KCNK6: variants seen among roughly 807,000 people sequenced by gnomAD.
The protein encoded by KCNK6 is potassium two pore domain channel subfamily K member 6, also known as potassium channel subfamily K member 6.
A neutral mutation model predicts 21.9 loss-of-function variants in KCNK6; 20 were observed. The ratio of observed to expected loss-of-function variants is 0.91; its 90% CI spans 0.64 to 1.32. KCNK6 has a LOEUF of 1.32. Among genes scored for constraint, KCNK6 ranks in the 40% most tolerant of loss-of-function variants. The pLI, the probability that KCNK6 is intolerant of heterozygous loss-of-function variation, is 0.00. For missense variants in KCNK6, 415 were observed against 433.1 expected, an observed-to-expected ratio of 0.96 and a Z score of 0.37; for synonymous variants, 210 against 218.0, an observed-to-expected ratio of 0.96 and a Z score of 0.32.
chr19:38,330,636 A>G lies in KCNK6; in HGVS notation c.*3233A>G, dbSNP rs1207942175. On this transcript the variant is annotated 3_prime_UTR_variant, in exon 3 of 3. Coordinates refer to ENST00000263372, the MANE Select transcript of KCNK6 (RefSeq NM_004823.3). ...AGAGCAAGACCCTGTCTCAAAAAAA[A>G]AAAAAGAAAAGAAAAAGAAAAAGAA... The G allele has an allele frequency of 6.8e-6, 1 of 147,408 alleles. No individual in the cohort carries two copies. The highest frequency in any genetic ancestry group is 1.5e-5 in the Non-Finnish European group (1 of 66,390). The allele number at this position is 147,408 out of a possible 1,614,324, so 9.1% of individuals were successfully genotyped here.
chr19:38,320,332 C>T (rs1332521045), intron 1 of KCNK6, 60 bp downstream of exon 1: 12 of 1,565,016 alleles, frequency 7.7e-6, no homozygotes, highest in Admixed American at 1.7e-5. Flanking sequence ...CATCCTTAAC[C>T]CCTGGGGACC....
intron 1 of KCNK6, among the ~76,000 whole-genome samples, chr19:38,323,073 C>G (rs545490201): frequency 2.0e-5 from 3 of 151,888 alleles, no homozygotes; most frequent in Non-Finnish European, 4.4e-5. Context: ...AGATCTCGCC[C>G]CTGCACTCCA....
Position 38,319,932 on chromosome 19 carries a change from C to G in KCNK6, c.-19C>G. 7.1e-7 allele frequency: 1 copy of G among 1,399,376 alleles called. No homozygotes were observed. The highest frequency in any genetic ancestry group is 1.6e-5 in the South Asian group (1 of 63,274). 86.7% of individuals were successfully genotyped at this position (1,399,376 alleles called of 1,614,324 possible). On this transcript the variant is annotated 5_prime_UTR_variant, in exon 1 of 3. Transcript: ENST00000263372. ...CGTCAGCGGGGCCACCCAGGGCTCG[C>G]GGGGTCCCGGTGGGTGCCATGCGGA...
At chr19:38,322,856 G>T (rs144522878) in intron 1 of KCNK6, among the ~76,000 whole-genome samples, 22,056 of 147,246 alleles carry the variant, frequency 0.15, 1,840 homozygotes, top group South Asian at 0.23. Context: ...CTCACGCCTG[G>T]AATCCCAGCA....
At chr19:38,322,547 T>C (rs1969662553) in intron 1 of KCNK6, among the ~76,000 whole-genome samples, 4 of 152,236 alleles carry the variant, frequency 2.6e-5, no homozygotes, top group Admixed American at 2.0e-4. Flanking sequence ...CCAGGCGCAG[T>C]GGCTTACGCC....
chr19:38,320,536 G>A (rs1424423873), intron 1 of KCNK6, among the ~76,000 whole-genome samples: 1 of 151,116 alleles, frequency 6.6e-6, no homozygotes, highest in East Asian at 1.9e-4. Context: ...CTGGGACCCC[G>A]TTCCTCGGTC....
intron 1 of KCNK6, among the ~76,000 whole-genome samples, chr19:38,322,571 C>T (rs548796321): frequency 6.6e-6 from 1 of 152,358 alleles, no homozygotes; most frequent in Non-Finnish European, 1.5e-5. Context: ...AATCCCAGCA[C>T]TTTGGAGGGC....
Position 38,326,855 on chromosome 19 carries a change from C to T in KCNK6, c.585C>T (p.Leu195=), listed in dbSNP as rs752105471. 9.9e-6 allele frequency: 16 copies of T among 1,611,410 alleles called. No homozygotes were observed. Among genetic ancestry groups the T allele is most frequent in the South Asian group, 4.4e-5 (4 of 91,090 alleles). The change falls in exon 2 of 3, where the codon CTC becomes CTT. Residue 195 remains leucine, a synonymous_variant. Coordinates refer to ENST00000263372, the MANE Select transcript of KCNK6 (RefSeq NM_004823.3). ...FLVPAVIFAH[L]EEAWSFLDAF... The stretch of plus-strand genomic sequence containing the variant: ...TGCCGGCTGTGATCTTTGCCCACCT[C>T]GAGGAGGCCTGGAGCTTCTTGGATG...
intron 1 of KCNK6, among the ~76,000 whole-genome samples, chr19:38,321,487 C>T (rs1483541748): frequency 6.6e-6 from 1 of 152,230 alleles, no homozygotes; most frequent in Non-Finnish European, 1.5e-5. Context: ...GTCAAAAGGA[C>T]CCACCGTGGA....
chr19:38,328,934 G>C lies in KCNK6; in HGVS notation c.*1531G>C, dbSNP rs1969743734. ...GGAAGGAAGGAAGGAAAAAGAAAGA[G>C]AAAGAGAGAGAGAGAGAAAGAAAAA... On this transcript the variant is annotated 3_prime_UTR_variant, in exon 3 of 3. Coordinates refer to ENST00000263372, the MANE Select transcript of KCNK6 (RefSeq NM_004823.3). The C allele has an allele frequency of 7.2e-6, 1 of 138,164 alleles. No homozygotes were observed. The highest frequency in any genetic ancestry group is 1.6e-5 in the Non-Finnish European group (1 of 62,282). The allele number at this position is 138,164 out of a possible 1,614,324, so 8.6% of individuals were successfully genotyped here. A position where few individuals can be genotyped will look rare whatever the true frequency, so the allele number is the denominator to read the frequency against.
At chr19:38,322,895 C>G (rs1969667427) in intron 1 of KCNK6, among the ~76,000 whole-genome samples, 1 of 151,974 alleles carries the variant, frequency 6.6e-6, no homozygotes, top group Non-Finnish European at 1.5e-5. Flanking sequence ...GGCGGATCAC[C>G]TGAGGTTAGG....
rs748036521 is a variant in KCNK6, at chr19:38,328,852, AAGAG to A, written c.*1453_*1456del. On this transcript the variant is annotated 3_prime_UTR_variant, in exon 3 of 3. Transcript: ENST00000263372. ...ACAGAGTGAGACCCTGTCTGAAAGA[AAGAG>A]AGAAAGAAAGAAAGAAAGAGAGAGA... 1 of 143,030 alleles carries A rather than the reference AAGAG, an allele frequency of 7.0e-6. No individual in the cohort carries two copies. Among genetic ancestry groups the A allele is most frequent in the Non-Finnish European group, 1.5e-5 (1 of 64,826 alleles). The allele number at this position is 143,030 out of a possible 1,614,324, so 8.9% of individuals were successfully genotyped here.
At chr19:38,324,412 C>T (rs1969685246) in intron 1 of KCNK6, among the ~76,000 whole-genome samples, 1 of 152,158 alleles carries the variant, frequency 6.6e-6, no homozygotes, top group Non-Finnish European at 1.5e-5. Flanking sequence ...ACTGCATGGT[C>T]AGAGACCTAG....
rs1026151747 is a variant in KCNK6, at chr19:38,331,302, C to G, written c.*3899C>G. The G allele has an allele frequency of 6.6e-6, 1 of 152,142 alleles. No individual in the cohort carries two copies. Among genetic ancestry groups the G allele is most frequent in the African/African-American group, 2.4e-5 (1 of 41,316 alleles). 9.4% of individuals were successfully genotyped at this position (152,142 alleles called of 1,614,324 possible). A position where few individuals can be genotyped will look rare whatever the true frequency, so the allele number is the denominator to read the frequency against. ...CCATGATCACACTACTGGACTCCAGCCTGGGCCATAGAGCAAGACCCTGTC... is the reference window on the plus strand; with the variant it reads ...CCATGATCACACTACTGGACTCCAGGCTGGGCCATAGAGCAAGACCCTGTC... On this transcript the variant is annotated 3_prime_UTR_variant, in exon 3 of 3. Coordinates refer to ENST00000263372, the MANE Select transcript of KCNK6 (RefSeq NM_004823.3).
In KCNK6 at chr19:38,326,682, C is replaced by A; in HGVS notation, c.412C>A (p.Leu138Met). The change falls in exon 2 of 3, where the codon CTG becomes ATG. Residue 138 changes from leucine to methionine, a missense_variant. Leu to Met is a conservative substitution (Grantham distance 15). Coordinates refer to ENST00000263372, the MANE Select transcript of KCNK6 (RefSeq NM_004823.3). ...LLGVPTTMLL[L>M]TASAQRLSLL... ...GGGCGTGCCGACCACCATGCTGCTG[C>A]TGACCGCCTCAGCCCAGCGCCTGTC... is the stretch of plus-strand genomic sequence containing the variant. 6.2e-7 allele frequency: 1 copy of A among 1,607,156 alleles called. No individual in the cohort carries two copies. Among genetic ancestry groups the A allele is most frequent in the Non-Finnish European group, 8.5e-7 (1 of 1,179,990 alleles).
intron 1 of KCNK6, among the ~76,000 whole-genome samples, chr19:38,320,733 A>C (rs943319762): frequency 1.3e-5 from 2 of 151,206 alleles, no homozygotes; most frequent in African/African-American, 2.4e-5. Context: ...TAATTTTTGT[A>C]TTTTCAGTGG....
intron 1 of KCNK6, among the ~76,000 whole-genome samples, chr19:38,323,708 C>T (rs1396706592): frequency 6.6e-6 from 1 of 152,188 alleles, no homozygotes. Flanking sequence ...CCTCAGCCTC[C>T]TGAGTAGTTG....
In KCNK6 at chr19:38,328,878, G is replaced by GAAAGAAAGAAAGAAAGAAAGAAAGAA. The variant is rs1969741210; in HGVS notation, c.*1476_*1477insAAGAAAGAAAGAAAGAAAGAAAGAAA. 14 of 135,766 alleles carry GAAAGAAAGAAAGAAAGAAAGAAAGAA rather than the reference G, an allele frequency of 1.0e-4. No individual in the cohort carries two copies. Among genetic ancestry groups the GAAAGAAAGAAAGAAAGAAAGAAAGAA allele is most frequent in the African/African-American group, 3.0e-4 (11 of 36,756 alleles). 8.4% of individuals were successfully genotyped at this position (135,766 alleles called of 1,614,324 possible). ...AGAGAGAAAGAAAGAAAGAAAGAGA[G>GAAAGAAAGAAAGAAAGAAAGAAAGAA]AGAAAGAAAGAAAGAAAGAAAGGGA... On this transcript the variant is annotated 3_prime_UTR_variant, in exon 3 of 3. Coordinates refer to ENST00000263372, the MANE Select transcript of KCNK6 (RefSeq NM_004823.3).
intron 1 of KCNK6, chr19:38,325,090 C>T (rs1969693595): frequency 6.6e-6 from 1 of 150,990 alleles, no homozygotes; most frequent in Admixed American, 6.6e-5. Context: ...TTGCTCAACT[C>T]AAATCACTCT....
Sources: allele counts gnomAD v4.1 joint callset (sites outside exome capture counted in the v4.1 genomes callset), GRCh38; gene constraint gnomAD v4.1.1; transcripts MANE v1.5; gene names NCBI Gene and HGNC (gene_info 2026-07-23, HGNC 2026-07-21).